Variants in ANK1 observed in about 807,000 individuals in gnomAD.
ANK1 encodes ankyrin 1.
Under a neutral mutation model 210.4 loss-of-function variants are expected in ANK1, and 51 were observed. The observed-to-expected ratio is 0.24, with a 90% CI of 0.19 to 0.31. The LOEUF (loss-of-function observed/expected upper bound fraction) is 0.31, where lower values mean the gene tolerates loss of function less well. Ranked by LOEUF, ANK1 falls within the 10% of genes least tolerant of loss-of-function variation. The pLI is 1.00. For missense variants in ANK1, 2,051 were observed against 2,504.4 expected, an observed-to-expected ratio of 0.82 and a Z score of 3.86; for synonymous variants, 967 against 1,025.9, an observed-to-expected ratio of 0.94 and a Z score of 1.10.
rs1201970148 is a variant in ANK1 at position 41,717,619 on chromosome 8, G to A, written c.1290C>T (p.Pro430=). 2 of 1,551,484 alleles carry A rather than the reference G, an allele frequency of 1.3e-6. No individual in the cohort carries two copies. The highest frequency in any genetic ancestry group is 1.7e-6 in the Non-Finnish European group (2 of 1,146,974). Residue 430 remains proline, a synonymous_variant, in exon 12 of 43, where the codon CCC becomes CCT. Coordinates refer to ENST00000289734, the MANE Select transcript of ANK1 (RefSeq NM_000037.4). ...GAGGGCTTACCACGTTGGAGACGTTGGGCGACGCCCCCCGCTGCAGGAGGT... is the reference window on the plus strand; with the variant it reads ...GAGGGCTTACCACGTTGGAGACGTTAGGCGACGCCCCCCGCTGCAGGAGGT... The part of the protein sequence containing the change: ...VKNLLQRGAS[P]NVSNVKVETP...
chr8:41,896,273 GT>G, intron 1 of ANK1: 1 of 1,469,630 alleles, frequency 6.8e-7, no homozygotes, highest in South Asian at 1.4e-5. Flanking sequence ...GCCCCACCGC[GT>G]CCCGGGCCGC....
intron 22 of ANK1, among the ~76,000 whole-genome samples, chr8:41,700,888 G>A (rs1268058391): frequency 6.6e-6 from 1 of 151,926 alleles, no homozygotes; most frequent in East Asian, 1.9e-4. Flanking sequence ...TCAGCCTCTG[G>A]AGTAGCTGGG....
At chr8:41,869,973 C>G (rs957387658) in intron 1 of ANK1, among the ~76,000 whole-genome samples, 1 of 152,120 alleles carries the variant, frequency 6.6e-6, no homozygotes, top group Non-Finnish European at 1.5e-5. Context: ...ATCTAAGATA[C>G]AGATTCTTGA....
rs35964634 is a variant in ANK1 at position 41,693,944 on chromosome 8, G to A, written c.3486C>T (p.Ser1162=). ...GCAGGCTGGTGGTGTCTCCCTCCCC[G>A]CTGTCCCTCGGGTTGTCGGTCCAGG... is the stretch of plus-strand genomic sequence containing the variant. ...PPSWTDNPRD[S]GEGDTTSLRL... The change falls in exon 29 of 43, where the codon AGC becomes AGT. Residue 1162 remains serine, a synonymous_variant. Transcript: ENST00000289734. The A allele has an allele frequency of 8.3e-3, 13,451 of 1,613,590 alleles. 688 individuals carry two copies. In the African/African-American group the frequency reaches 0.13, roughly 15 times the overall value.
At position 41,694,663 on chromosome 8, in the gene ANK1, T is replaced by C; in HGVS notation, c.3256A>G (p.Lys1086Glu). 6.2e-7 allele frequency: 1 copy of C among 1,614,150 alleles called. No homozygotes were observed. Among genetic ancestry groups the C allele is most frequent in the Non-Finnish European group, 8.5e-7 (1 of 1,180,014 alleles). The change falls in exon 28 of 43, where the codon AAG becomes GAG. Residue 1086 changes from lysine to glutamate, a missense_variant. By Grantham distance (56) the Lys-to-Glu change is moderately conservative (BLOSUM62 1). This residue lies in a region of ANK1 where 1,413 missense variants were observed against 1,707.4 expected (regional missense o/e 0.83). Transcript: ENST00000289734. The surrounding 1 kb of genome is among the most constrained non-coding windows in gnomAD (Gnocchi z 5.7). Reference sequence around the variant, plus strand: ...GTTGCCTGTACCAGGGGCACCAGCTTGCTCTTCAGGGAGCCCCCTTCGGGA... The same window carrying C: ...GTTGCCTGTACCAGGGGCACCAGCTCGCTCTTCAGGGAGCCCCCTTCGGGA... ...IGPEGGSLKS[K>E]LVPLVQATFP...
chr8:41,844,471 A>G (rs980246104), intron 1 of ANK1, among the ~76,000 whole-genome samples: 7 of 151,848 alleles, frequency 4.6e-5, no homozygotes, highest in African/African-American at 9.7e-5. Flanking sequence ...CCAGCCATAC[A>G]CAACAGGCAC....
At chr8:41,677,594 G>T (rs199922253) in intron 37 of ANK1, among the ~76,000 whole-genome samples, 4 of 144,388 alleles carry the variant, frequency 2.8e-5, no homozygotes, top group Admixed American at 6.9e-5. Context: ...CTTTTTCTTT[G>T]TTTTTTTTTT....
chr8:41,827,092 C>T (rs895614274), intron 1 of ANK1, among the ~76,000 whole-genome samples: 1 of 152,202 alleles, frequency 6.6e-6, no homozygotes, highest in African/African-American at 2.4e-5. Context: ...AATCAGCAAC[C>T]TTGTCTTACA....
At chr8:41,800,749 C>T (rs768513546), upstream of ANK1, among the ~76,000 whole-genome samples, 5 of 152,080 alleles carry the variant, frequency 3.3e-5, no homozygotes, top group African/African-American at 1.2e-4. Context: ...TTTTTTGAGA[C>T]GGCATCTCGC....
intron 1 of ANK1, among the ~76,000 whole-genome samples, chr8:41,840,565 C>CT (rs1291911621): frequency 3.9e-5 from 6 of 152,192 alleles, no homozygotes; most frequent in African/African-American, 1.4e-4. Context: ...CGGGTGAGGG[C>CT]TGTCGCCCTG....
intron 10 of ANK1, among the ~76,000 whole-genome samples, 183 bp downstream of exon 10, chr8:41,719,478 G>A (rs1228474023): frequency 6.6e-6 from 1 of 152,154 alleles, no homozygotes; most frequent in Non-Finnish European, 1.5e-5. Flanking sequence ...TGCAGTGGAG[G>A]GTGCAGGAGG....
chr8:41,895,004 G>A (rs372023370), intron 1 of ANK1, among the ~76,000 whole-genome samples: 2 of 152,274 alleles, frequency 1.3e-5, no homozygotes, highest in East Asian at 3.9e-4. Context: ...AGTTTCTGAA[G>A]GGTACAGGAA....
Position 41,696,547 on chromosome 8 carries a change from T to C in ANK1, c.2776A>G (p.Met926Val), listed in dbSNP as rs746104866. ...SFMVDARGGS[M>V]RGSRHNGLRV... ...AGGCCGTTGTGGCGACTTCCTCTCATGGAACCACCCCGGGCGTCAACCATG... is the reference window on the plus strand; with the variant it reads ...AGGCCGTTGTGGCGACTTCCTCTCACGGAACCACCCCGGGCGTCAACCATG... The change falls in exon 26 of 43, where the codon ATG becomes GTG. Residue 926 changes from methionine to valine, a missense_variant. Met to Val is a conservative substitution (Grantham distance 21). This residue lies in a region of ANK1 where 1,413 missense variants were observed against 1,707.4 expected (regional missense o/e 0.83). Transcript: ENST00000289734. The C allele has an allele frequency of 1.2e-6, 2 of 1,613,804 alleles. No homozygotes were observed. Among genetic ancestry groups the C allele is most frequent in the Admixed American group, 1.7e-5 (1 of 60,004 alleles).
chr8:41,758,413 G>A (rs1377598554), intron 1 of ANK1, among the ~76,000 whole-genome samples: 3 of 152,196 alleles, frequency 2.0e-5, no homozygotes, highest in Admixed American at 1.3e-4. Context: ...TGGCACAAGC[G>A]CAGTTCACTG....
chr8:41,773,554 C>T (rs1394389868), intron 1 of ANK1, among the ~76,000 whole-genome samples: 1 of 152,140 alleles, frequency 6.6e-6, no homozygotes, highest in Non-Finnish European at 1.5e-5. Context: ...TGGTGGAATT[C>T]GACTCCTAAC....
intron 1 of ANK1, among the ~76,000 whole-genome samples, chr8:41,810,287 C>CA (rs1802289087): frequency 6.6e-6 from 1 of 152,232 alleles, no homozygotes; most frequent in Non-Finnish European, 1.5e-5. Flanking sequence ...GTCAGACTGA[C>CA]AAATGCTGAA....
In ANK1 at chr8:41,715,053, C is replaced by T. The variant is rs761680879; in HGVS notation, c.1624G>A (p.Val542Met). 7.4e-6 allele frequency: 12 copies of T among 1,614,048 alleles called. No homozygotes were observed. Among genetic ancestry groups the T allele is most frequent in the Admixed American group, 3.3e-5 (2 of 60,004 alleles). ...MTKKGFTPLH[V>M]AAKYGKVRVA... ...CGCACCTTCCCGTACTTGGCCGCCACGTGCAGAGGGGTAAATCCTTTCTGA... is the reference window on the plus strand; with the variant it reads ...CGCACCTTCCCGTACTTGGCCGCCATGTGCAGAGGGGTAAATCCTTTCTGA... Residue 542 changes from valine to methionine, a missense_variant, in exon 15 of 43, where the codon GTG (valine) becomes ATG (methionine). Coordinates refer to ENST00000289734, the MANE Select transcript of ANK1 (RefSeq NM_000037.4).
intron 1 of ANK1, among the ~76,000 whole-genome samples, chr8:41,858,315 T>C (rs1812587297): frequency 7.4e-6 from 1 of 135,906 alleles, no homozygotes; most frequent in Non-Finnish European, 1.5e-5. Context: ...ATCACCGCAA[T>C]CCAGCCTGGG....
rs952398779 is a variant in ANK1 at position 41,665,075 on chromosome 8, C to T, written c.5395-1333G>A. Reference sequence around the variant, plus strand: ...CTGGCAGCCAGGGCCCCGGCCACCACGGGGGGCCTGCCTCTCATTCTCCAC... The same window carrying T: ...CTGGCAGCCAGGGCCCCGGCCACCATGGGGGGCCTGCCTCTCATTCTCCAC... On this transcript the variant is annotated intron_variant, in intron 39 of 42. Coordinates refer to ENST00000289734, the MANE Select transcript of ANK1 (RefSeq NM_000037.4). 2.0e-5 allele frequency: 32 copies of T among 1,597,040 alleles called. No individual in the cohort carries two copies. The African/African-American group carries it at 2.4e-4, about 12-fold the overall frequency.
Sources: gnomAD v4.1 joint callset for allele counts (sites outside exome capture counted in the v4.1 genomes callset) on GRCh38, gnomAD v4.1.1 for gene constraint, gnomAD v4.1.1 regional missense constraint, Gnocchi (gnomAD v3.1) non-coding constraint, MANE v1.5 for transcripts, NCBI Gene and HGNC (gene_info 2026-07-23, HGNC 2026-07-21) for gene names.